SLC5A9: variants seen among roughly 807,000 people sequenced by gnomAD.
SLC5A9 encodes solute carrier family 5 member 9, also known as sodium/glucose cotransporter 4.
A neutral mutation model predicts 70.9 loss-of-function variants in SLC5A9; 59 were observed. The ratio of observed to expected loss-of-function variants is 0.83; its 90% CI spans 0.68 to 1.03. SLC5A9 has a LOEUF of 1.03. SLC5A9 is among the 50% of genes least tolerant of loss of function. The pLI is 0.00. For synonymous variants in SLC5A9, 340 were observed against 346.5 expected (o/e 0.98, Z 0.21); for missense variants, 832 against 881.1 (o/e 0.94, Z 0.71).
In SLC5A9 at chr1:48,239,456, C is replaced by G. The variant is rs748567609; in HGVS notation, c.1596C>G (p.Tyr532Ter). 6.2e-7 allele frequency: 1 copy of G among 1,614,072 alleles called. No homozygotes were observed. The change falls in exon 12 of 14, where the codon TAC becomes TAG. Residue 532 changes from tyrosine to a stop codon, truncating the protein, a stop_gained. Transcript: ENST00000438567. LOFTEE classifies it high-confidence loss of function. This position sits in a 1 kb window ranked among gnomAD's most constrained non-coding sequence, Gnocchi z 4.2. ...TGCTGAAGGACTTCCACTACCTGTA[C>G]TTTGCAATCCTCCTCTGCGGGCTCA... ...PAVLKDFHYL[Y>*]FAILLCGLTA...
chr1:48,243,170 C>T (rs538902870), intron 13 of SLC5A9, among the ~76,000 whole-genome samples: 2 of 152,078 alleles, frequency 1.3e-5, no homozygotes, highest in African/African-American at 4.8e-5. Flanking sequence ...ATGTCCCCCC[C>T]ACCACTTTTC....
At chr1:48,226,062 G>A (rs921975057) in intron 2 of SLC5A9, among the ~76,000 whole-genome samples, 2 of 152,190 alleles carry the variant, frequency 1.3e-5, no homozygotes, top group Non-Finnish European at 2.9e-5. Context: ...GGAGCAGGGA[G>A]CTCTTGTCTG....
Position 48,247,549 on chromosome 1 carries a change from C to T in SLC5A9, c.*6C>T, listed in dbSNP as rs1644474205. ...TCTGGGGCTATTTTGCGTGATTCCA[C>T]AGACCTGGCTTCAGTGTAGACAGAT... On this transcript the variant is annotated 3_prime_UTR_variant, in exon 14 of 14. Transcript: ENST00000438567. 1 of 1,614,056 alleles carries T rather than the reference C, an allele frequency of 6.2e-7. No homozygotes were observed. The highest frequency in any genetic ancestry group is 8.5e-7 in the Non-Finnish European group (1 of 1,179,898).
intron 11 of SLC5A9, chr1:48,238,470 C>T (rs983837178): frequency 3.9e-5 from 6 of 152,258 alleles, no homozygotes; most frequent in African/African-American, 1.4e-4. Context: ...GCTAGCGGTA[C>T]CCCAGGGCTG....
At chr1:48,227,446 ATG>A (rs1644176946) in intron 2 of SLC5A9, among the ~76,000 whole-genome samples, 1 of 26,664 alleles carries the variant, frequency 3.8e-5, no homozygotes, top group Non-Finnish European at 8.8e-5. Flanking sequence ...GTGTGTGTGT[ATG>A]TGTGAGAGAG....
intron 13 of SLC5A9, among the ~76,000 whole-genome samples, chr1:48,243,469 A>C (rs1266546033): frequency 6.6e-6 from 1 of 152,232 alleles, no homozygotes; most frequent in African/African-American, 2.4e-5. Context: ...TTATTTTAAG[A>C]CATGATTTGA....
At chr1:48,233,360 C>CAAAAAAAAAA (rs1157245912) in intron 8 of SLC5A9, among the ~76,000 whole-genome samples, 2 of 58,714 alleles carry the variant, frequency 3.4e-5, no homozygotes, top group African/African-American at 7.4e-5. Context: ...GACTCCATCT[C>CAAAAAAAAAA]AAAAAAAAAA....
At chr1:48,232,309 G>A in intron 7 of SLC5A9, 58 bp from the exon 8 acceptor site, 3 of 1,598,306 alleles carry the variant, frequency 1.9e-6, no homozygotes, top group Non-Finnish European at 2.6e-6. Context: ...GGGCTCACCT[G>A]TGGCTTAATG....
chr1:48,225,933 TCTC>T (rs1644139842), intron 2 of SLC5A9, among the ~76,000 whole-genome samples: 3 of 151,950 alleles, frequency 2.0e-5, no homozygotes, highest in Admixed American at 2.0e-4. Flanking sequence ...TCCCCACCCT[TCTC>T]CTTCTCACCA....
intron 11 of SLC5A9, chr1:48,238,652 G>C (rs1027621073): frequency 2.0e-5 from 3 of 152,424 alleles, no homozygotes; most frequent in Non-Finnish European, 4.4e-5. Flanking sequence ...AGTGTCTACT[G>C]TCTGCACAGG....
Position 48,242,590 on chromosome 1 carries a change from C to G in SLC5A9, c.1811C>G (p.Ser604Trp). Residue 604 changes from serine to tryptophan, a missense_variant, in exon 13 of 14, where the codon TCG (serine) becomes TGG (tryptophan). By Grantham distance (177) the Ser-to-Trp change is radical. Coordinates refer to ENST00000438567, the MANE Select transcript of SLC5A9 (RefSeq NM_001011547.3). ...GCAGGAGGTGGAGCGGCAGAGAACT[C>G]GAGCCTGGGCCAGGAGCAGCCTGAA... ...CPAGGGAAEN[S>W]SLGQEQPEAP... 2.5e-6 allele frequency: 4 copies of G among 1,612,070 alleles called. No individual in the cohort carries two copies. Among genetic ancestry groups the G allele is most frequent in the Non-Finnish European group, 3.4e-6 (4 of 1,179,186 alleles).
intron 8 of SLC5A9, among the ~76,000 whole-genome samples, chr1:48,232,873 GAAAGAA>G (rs144726435): frequency 0.044 from 5,994 of 137,364 alleles, 289 homozygotes; most frequent in East Asian, 0.2. Context: ...AAAAGAAGAA[GAAAGAA>G]AAAGAAAAAG....
At chr1:48,233,045 GAAAAAGAAAAGAAAAGA>G (rs1192610010) in intron 8 of SLC5A9, among the ~76,000 whole-genome samples, 4 of 150,412 alleles carry the variant, frequency 2.7e-5, no homozygotes, top group African/African-American at 7.3e-5. Flanking sequence ...GGAAAGGAAA[GAAAAAGAAAAGAAAAGA>G]AAAAAGAAAA....
intron 2 of SLC5A9, 154 bp from the exon 3 acceptor site, chr1:48,228,696 C>G: frequency 7.9e-7 from 1 of 1,268,624 alleles, no homozygotes; most frequent in Non-Finnish European, 1.1e-6. Context: ...CCCCTCCCTG[C>G]GGATATCTGT....
At chr1:48,232,890 AAAGG>A (rs1342871215) in intron 8 of SLC5A9, among the ~76,000 whole-genome samples, 52 of 147,076 alleles carry the variant, frequency 3.5e-4, no homozygotes, top group South Asian at 1.1e-3. Context: ...AAAGAAAAAG[AAAGG>A]AAGGAAGGAA....
chr1:48,238,808 C>T (rs1340115577), intron 11 of SLC5A9, among the ~76,000 whole-genome samples: 8 of 152,032 alleles, frequency 5.3e-5, no homozygotes, highest in Non-Finnish European at 1.2e-4. Flanking sequence ...CCAAATGGAG[C>T]TATAAAGAAG....
Position 48,235,783 on chromosome 1 carries a change from C to T in SLC5A9, c.1196C>T (p.Thr399Ile), listed in dbSNP as rs1373160559. 6.2e-7 allele frequency: 1 copy of T among 1,614,244 alleles called. No homozygotes were observed. Among genetic ancestry groups the T allele is most frequent in the Non-Finnish European group, 8.5e-7 (1 of 1,180,046 alleles). ...ATGGCCGCTCTCATGAGCTCACTCA[C>T]CTCCATCTTCAACAGCAGCAGCACC... The part of the protein sequence containing the change: ...VIMAALMSSL[T>I]SIFNSSSTLF... The change falls in exon 10 of 14, where the codon ACC becomes ATC. Residue 399 changes from threonine (T) to isoleucine (I), a missense_variant. Transcript: ENST00000438567.
chr1:48,232,809 A>G (rs1557474581), intron 8 of SLC5A9, among the ~76,000 whole-genome samples: 1 of 148,608 alleles, frequency 6.7e-6, no homozygotes, highest in Non-Finnish European at 1.5e-5. Flanking sequence ...AAAGTAAAGA[A>G]AAGAGAAGAG....
At position 48,239,202 on chromosome 1, in the gene SLC5A9, A is replaced by C; in HGVS notation, c.1462-120A>C. The C allele has an allele frequency of 1.4e-6, 1 of 730,778 alleles. No individual in the cohort carries two copies. Among genetic ancestry groups the C allele is most frequent in the Non-Finnish European group, 2.3e-6 (1 of 431,006 alleles). 45.3% of individuals were successfully genotyped at this position (730,778 alleles called of 1,614,324 possible). A position where few individuals can be genotyped will look rare whatever the true frequency, so the allele number is the denominator to read the frequency against. On this transcript the variant is annotated intron_variant, in intron 11 of 13. Transcript: ENST00000438567. The surrounding 1 kb of genome is among the most constrained non-coding windows in gnomAD (Gnocchi z 4.2). Reference sequence around the variant, plus strand: ...GGAGAACTCATTTTCCCATTAGTAGATGGATTTGCCCAACATGGCAATAAA... The same window carrying C: ...GGAGAACTCATTTTCCCATTAGTAGCTGGATTTGCCCAACATGGCAATAAA...
Sources: gnomAD v4.1 joint callset for allele counts (sites outside exome capture counted in the v4.1 genomes callset) on GRCh38, gnomAD v4.1.1 for gene constraint, Gnocchi (gnomAD v3.1) non-coding constraint, MANE v1.5 for transcripts, NCBI Gene and HGNC (gene_info 2026-07-23, HGNC 2026-07-21) for gene names.